Variants in PCDH17 observed in about 807,000 individuals in gnomAD.
PCDH17 encodes the protein protocadherin 17, also known as protocadherin-17.
A neutral mutation model predicts 67.7 loss-of-function variants in PCDH17; 21 were observed. That is an observed-to-expected ratio of 0.31 (90% CI 0.22 to 0.45). PCDH17 has a LOEUF of 0.45. Among genes scored for constraint, PCDH17 ranks in the 20% least tolerant of loss-of-function variants. The pLI, the probability that PCDH17 is intolerant of heterozygous loss-of-function variation, is 1.00. For synonymous variants in PCDH17, 701 were observed against 656.7 expected, an observed-to-expected ratio of 1.07 and a Z score of -1.03; for missense variants, 1,471 against 1,564.8, an observed-to-expected ratio of 0.94 and a Z score of 1.01.
At chr13:57,676,560 A>T (rs1480691842) in intron 3 of PCDH17, among the ~76,000 whole-genome samples, 1 of 151,918 alleles carries the variant, frequency 6.6e-6, no homozygotes, top group Non-Finnish European at 1.5e-5. Flanking sequence ...AGCATACTTA[A>T]ATCCAAGTAA....
In PCDH17 at chr13:57,632,858, G is replaced by A. The variant is rs773485614; in HGVS notation, c.312G>A (p.Leu104=). 6.2e-7 allele frequency: 1 copy of A among 1,613,880 alleles called. No individual in the cohort carries two copies. The highest frequency in any genetic ancestry group is 8.5e-7 in the Non-Finnish European group (1 of 1,180,034). ...GCCGCCACAATGCCAAGTGCCAGCT[G>A]TCCCTCGAGGTGTTCGCCAACGACA... ...SLCRHNAKCQ[L]SLEVFANDKE... The change falls in exon 1 of 4, where the codon CTG becomes CTA. Residue 104 remains leucine (L), a synonymous_variant. Coordinates refer to ENST00000377918, the MANE Select transcript of PCDH17 (RefSeq NM_001040429.3).
chr13:57,727,530 C>G lies in PCDH17; in HGVS notation c.*2236C>G, dbSNP rs917510524. 6.6e-6 allele frequency: 1 copy of G among 152,160 alleles called. No homozygotes were observed. Among genetic ancestry groups the G allele is most frequent in the African/African-American group, 2.4e-5 (1 of 41,458 alleles). 9.4% of individuals were successfully genotyped at this position (152,160 alleles called of 1,614,324 possible). A position where few individuals can be genotyped will look rare whatever the true frequency, so the allele number is the denominator to read the frequency against. On this transcript the variant is annotated 3_prime_UTR_variant, in exon 4 of 4. Coordinates refer to ENST00000377918, the MANE Select transcript of PCDH17 (RefSeq NM_001040429.3). ...AACTGCTTTGAGAGGGAAGAGTGGA[C>G]AACTCCCATCAGCCTTATTCTCTTG...
At chr13:57,681,137 C>T (rs1220163067) in intron 3 of PCDH17, among the ~76,000 whole-genome samples, 7 of 151,672 alleles carry the variant, frequency 4.6e-5, no homozygotes, top group South Asian at 4.1e-4. Context: ...TGAGGTAACT[C>T]GCTCATTTTG....
intron 3 of PCDH17, among the ~76,000 whole-genome samples, chr13:57,722,554 G>C (rs1955879806): frequency 6.6e-6 from 1 of 152,006 alleles, no homozygotes; most frequent in African/African-American, 2.4e-5. Context: ...ATTTAGAGTA[G>C]GTAAAGGAAA....
rs553221600 is a variant in PCDH17 at position 57,724,129 on chromosome 13, A to G, written c.2798-483A>G. On this transcript the variant is annotated intron_variant, in intron 3 of 3. Coordinates refer to ENST00000377918, the MANE Select transcript of PCDH17 (RefSeq NM_001040429.3). ...CTTTTATTTCATGACTGTCATCCAA[A>G]TAACAATTACAAGCAAAATAGTGAT... is the stretch of plus-strand genomic sequence containing the variant. Among the ~76,000 whole-genome samples, 3 of 152,342 alleles carry G rather than the reference A, an allele frequency of 2.0e-5. No individual in the cohort carries two copies. In the East Asian group the frequency reaches 5.8e-4, roughly 29 times the overall value.
At chr13:57,670,705 T>C (rs912705772) in intron 3 of PCDH17, among the ~76,000 whole-genome samples, 3 of 151,792 alleles carry the variant, frequency 2.0e-5, no homozygotes, top group African/African-American at 7.2e-5. Context: ...ATACTTTCTT[T>C]GTTAATAATG....
chr13:57,720,201 G>A (rs1955861095), intron 3 of PCDH17, among the ~76,000 whole-genome samples: 1 of 151,832 alleles, frequency 6.6e-6, no homozygotes. Context: ...GCTTAGTGTA[G>A]GTTAAAAAAG....
chr13:57,723,923 A>G (rs1019649466), intron 3 of PCDH17, among the ~76,000 whole-genome samples: 1 of 152,222 alleles, frequency 6.6e-6, no homozygotes, highest in African/African-American at 2.4e-5. Context: ...TCTGTTGAGT[A>G]AATGCATTTT....
chr13:57,683,822 G>A (rs1337902375), intron 3 of PCDH17, among the ~76,000 whole-genome samples: 12 of 151,816 alleles, frequency 7.9e-5, no homozygotes. Context: ...GATTCAGTTA[G>A]CCATATATAT....
intron 3 of PCDH17, among the ~76,000 whole-genome samples, chr13:57,676,048 GAAA>G (rs1044557803): frequency 3.0e-4 from 45 of 151,588 alleles, no homozygotes; most frequent in Non-Finnish European, 8.8e-5. Flanking sequence ...AATTCTAAAG[GAAA>G]AAAATGACTT....
At chr13:57,705,767 G>A (rs1296737465) in intron 3 of PCDH17, among the ~76,000 whole-genome samples, 1 of 152,108 alleles carries the variant, frequency 6.6e-6, no homozygotes, top group Non-Finnish European at 1.5e-5. Context: ...TGTAATCCCA[G>A]GACTTTGGGA....
chr13:57,679,801 G>T (rs998646405), intron 3 of PCDH17, among the ~76,000 whole-genome samples: 1 of 151,432 alleles, frequency 6.6e-6, no homozygotes, highest in African/African-American at 2.4e-5. Flanking sequence ...GAAAACCTGA[G>T]AAAATTTTAA....
chr13:57,682,384 T>A (rs1212152196), intron 3 of PCDH17, among the ~76,000 whole-genome samples: 1 of 151,746 alleles, frequency 6.6e-6, no homozygotes, highest in Non-Finnish European at 1.5e-5. Context: ...TTCTCTGTTG[T>A]CCTGTTACTC....
intron 3 of PCDH17, among the ~76,000 whole-genome samples, chr13:57,696,097 C>T (rs1253148852): frequency 6.6e-6 from 1 of 151,248 alleles, no homozygotes; most frequent in African/African-American, 2.4e-5. Flanking sequence ...CCCTGTAACT[C>T]TGTACATATG....
At chr13:57,666,961 C>A (rs896863180) in intron 3 of PCDH17, 128 bp downstream of exon 3, 1 of 697,760 alleles carries the variant, frequency 1.4e-6, no homozygotes, top group Non-Finnish European at 2.1e-6. Context: ...AACAGCAAAT[C>A]TTGAGGTTGC....
chr13:57,675,421 A>G (rs933221662), intron 3 of PCDH17, among the ~76,000 whole-genome samples: 5 of 152,004 alleles, frequency 3.3e-5, no homozygotes, highest in African/African-American at 7.2e-5. Flanking sequence ...GCTGAGGCAC[A>G]GACTGGGTTT....
intron 1 of PCDH17, among the ~76,000 whole-genome samples, chr13:57,641,184 G>A (rs1045192847): frequency 1.7e-4 from 26 of 151,662 alleles, no homozygotes; most frequent in Admixed American, 3.3e-4. Context: ...TTTAGTAAAG[G>A]AGGCTTTGAC....
intron 1 of PCDH17, among the ~76,000 whole-genome samples, chr13:57,643,816 A>AT (rs911821584): frequency 1.9e-4 from 29 of 151,530 alleles, no homozygotes; most frequent in Non-Finnish European, 2.4e-4. Flanking sequence ...ATATTAATGA[A>AT]TTTTTTTATT....
chr13:57,693,659 T>A (rs2138065351), intron 3 of PCDH17, among the ~76,000 whole-genome samples: 1 of 150,938 alleles, frequency 6.6e-6, no homozygotes, highest in South Asian at 2.1e-4. Context: ...ATTTTATAAC[T>A]TTCAGCTACA....
Sources: gnomAD v4.1 joint callset for allele counts (sites outside exome capture counted in the v4.1 genomes callset) on GRCh38, gnomAD v4.1.1 for gene constraint, MANE v1.5 for transcripts, NCBI Gene and HGNC (gene_info 2026-07-23, HGNC 2026-07-21) for gene names.